IMMP2L: variants seen among roughly 807,000 people sequenced by gnomAD.
IMMP2L encodes the protein mitochondrial inner membrane protease subunit 2.
In IMMP2L, 18 loss-of-function variants were observed where a neutral mutation model predicts 19.3. The observed-to-expected ratio is 0.93, with a 90% CI of 0.64 to 1.38. IMMP2L has a LOEUF of 1.38. Among genes scored for constraint, IMMP2L ranks in the 40% most tolerant of loss-of-function variants. The pLI is 0.00. For synonymous variants in IMMP2L, 76 were observed against 73.0 expected (o/e 1.04, Z -0.21); for missense variants, 233 against 218.2 (o/e 1.07, Z -0.43).
chr7:111,506,287 G>A (rs1376242852), intron 2 of IMMP2L, among the ~76,000 whole-genome samples: 1 of 151,722 alleles, frequency 6.6e-6, no homozygotes, highest in African/African-American at 2.4e-5. Flanking sequence ...ACACCCCAGA[G>A]GTCTCTTTCT....
At chr7:111,109,839 T>TA (rs544671424) in intron 3 of IMMP2L, among the ~76,000 whole-genome samples, 15 of 152,136 alleles carry the variant, frequency 9.9e-5, no homozygotes, top group Non-Finnish European at 1.5e-4. Context: ...AAAGGGCCCT[T>TA]AAAAAGTCTT....
At chr7:110,934,786 T>A (rs938525852) in intron 4 of IMMP2L, among the ~76,000 whole-genome samples, 9 of 152,224 alleles carry the variant, frequency 5.9e-5, no homozygotes, top group Admixed American at 2.6e-4. Flanking sequence ...TTTGTTGGCT[T>A]AAAGTCTGTT....
chr7:111,517,376 T>C (rs900380556), intron 2 of IMMP2L, among the ~76,000 whole-genome samples: 3 of 151,780 alleles, frequency 2.0e-5, no homozygotes, highest in African/African-American at 7.3e-5. Context: ...TGTTTTCAAG[T>C]ATTTTTGCCC....
At chr7:111,283,761 G>C (rs1348976411) in intron 3 of IMMP2L, among the ~76,000 whole-genome samples, 1 of 151,670 alleles carries the variant, frequency 6.6e-6, no homozygotes, top group Non-Finnish European at 1.5e-5. Context: ...CACGAGGTCA[G>C]GAGATCGAGA....
intron 3 of IMMP2L, among the ~76,000 whole-genome samples, chr7:111,305,957 C>T (rs1372971041): frequency 1.3e-5 from 2 of 152,116 alleles, no homozygotes; most frequent in Non-Finnish European, 1.5e-5. Flanking sequence ...GCTGCTGATA[C>T]CTTCTAGAAA....
intron 4 of IMMP2L, among the ~76,000 whole-genome samples, chr7:110,906,440 T>C (rs1812457285): frequency 2.0e-5 from 3 of 152,186 alleles, no homozygotes; most frequent in African/African-American, 7.2e-5. Flanking sequence ...AAGACAGCAT[T>C]TGTTTAGTTC....
chr7:111,304,533 T>TAA (rs1822616684), intron 3 of IMMP2L, among the ~76,000 whole-genome samples: 1 of 151,934 alleles, frequency 6.6e-6, no homozygotes, highest in African/African-American at 2.4e-5. Flanking sequence ...TACATATATA[T>TAA]AACGTGTGTA....
chr7:110,826,896 C>T (rs1437367244), intron 5 of IMMP2L, among the ~76,000 whole-genome samples: 1 of 151,632 alleles, frequency 6.6e-6, no homozygotes, highest in Non-Finnish European at 1.5e-5. Context: ...AATTTTACTC[C>T]TTCATCAAAG....
chr7:110,975,984 C>T (rs187130836), intron 3 of IMMP2L, among the ~76,000 whole-genome samples: 5 of 151,846 alleles, frequency 3.3e-5, no homozygotes, highest in Non-Finnish European at 5.9e-5. Context: ...TTTTTTTTAA[C>T]GTATGGGCAC....
intron 3 of IMMP2L, among the ~76,000 whole-genome samples, chr7:111,040,480 A>G (rs1216028758): frequency 1.3e-5 from 2 of 151,920 alleles, no homozygotes; most frequent in Non-Finnish European, 2.9e-5. Flanking sequence ...TATTCTGCCA[A>G]ACAATTACAG....
Position 110,757,239 on chromosome 7 carries a change from T to C in IMMP2L, c.409-93518A>G, listed in dbSNP as rs1406052. Among the ~76,000 whole-genome samples the C allele has an allele frequency of 0.96, 146,206 of 152,132 alleles. 70,269 individuals are homozygous for C. The highest frequency in any genetic ancestry group is 0.98 in the East Asian group (5,032 of 5,152). The stretch of plus-strand genomic sequence containing the variant: ...CAGGGCTGGCTTCACGGGTGTGCAA[T>C]CTGGGGAGTCACTGAGGGAACCACA... On this transcript the variant is annotated intron_variant, in intron 5 of 5. Coordinates refer to ENST00000405709, the MANE Select transcript of IMMP2L (RefSeq NM_032549.4). The surrounding 1 kb of genome is among the most constrained non-coding windows in gnomAD (Gnocchi z 4.2).
At chr7:110,828,397 C>T (rs1462728377) in intron 5 of IMMP2L, among the ~76,000 whole-genome samples, 2 of 152,116 alleles carry the variant, frequency 1.3e-5, no homozygotes, top group Non-Finnish European at 2.9e-5. Context: ...TCTACCCTTG[C>T]TAACAACCAA....
At chr7:110,871,811 T>A (rs942945379) in intron 5 of IMMP2L, among the ~76,000 whole-genome samples, 2 of 152,192 alleles carry the variant, frequency 1.3e-5, no homozygotes, top group African/African-American at 4.8e-5. Flanking sequence ...TTTTTAAGTA[T>A]GAAATACTAT....
At chr7:110,935,252 A>G (rs1815975198) in intron 4 of IMMP2L, among the ~76,000 whole-genome samples, 1 of 152,138 alleles carries the variant, frequency 6.6e-6, no homozygotes, top group South Asian at 2.1e-4. Flanking sequence ...TCTTTTGCTT[A>G]TGAAGCTTAG....
chr7:111,228,711 C>A (rs1226329338), intron 3 of IMMP2L, among the ~76,000 whole-genome samples: 1 of 151,922 alleles, frequency 6.6e-6, no homozygotes, highest in Non-Finnish European at 1.5e-5. Context: ...GAAACTTTGT[C>A]AAAAATGCAT....
intron 3 of IMMP2L, among the ~76,000 whole-genome samples, chr7:111,190,868 A>G (rs1324929926): frequency 6.6e-6 from 1 of 152,172 alleles, no homozygotes; most frequent in Non-Finnish European, 1.5e-5. Flanking sequence ...GAATAGACAA[A>G]GTTTGCAGCT....
intron 3 of IMMP2L, among the ~76,000 whole-genome samples, chr7:111,117,678 A>G (rs1800052374): frequency 6.6e-6 from 1 of 152,122 alleles, no homozygotes; most frequent in South Asian, 2.1e-4. Flanking sequence ...TTAGAACTAA[A>G]GAAAGATCAA....
At chr7:110,859,540 C>A (rs570129857) in intron 5 of IMMP2L, among the ~76,000 whole-genome samples, 1 of 151,230 alleles carries the variant, frequency 6.6e-6, no homozygotes, top group Non-Finnish European at 1.5e-5. Flanking sequence ...CTCAGGAGTT[C>A]GAGACTAGCC....
Position 111,386,836 on chromosome 7 carries a change from T to C in IMMP2L, c.239+100402A>G, listed in dbSNP as rs181923705. Among the ~76,000 whole-genome samples the C allele has an allele frequency of 2.6e-3, 397 of 152,252 alleles. 2 individuals are homozygous for C. The highest frequency in any genetic ancestry group is 5.0e-3 in the Non-Finnish European group (341 of 68,012). On this transcript the variant is annotated intron_variant, in intron 3 of 5. Coordinates refer to ENST00000405709, the MANE Select transcript of IMMP2L (RefSeq NM_032549.4). ...GCAAAAATATCTGTGCCATAAACTA[T>C]TAGCTGACAAGCAATTATATTCTAC...
Sources: gnomAD v4.1 joint callset for allele counts (sites outside exome capture counted in the v4.1 genomes callset) on GRCh38, gnomAD v4.1.1 for gene constraint, Gnocchi (gnomAD v3.1) non-coding constraint, MANE v1.5 for transcripts, NCBI Gene and HGNC (gene_info 2026-07-23, HGNC 2026-07-21) for gene names.